NTRK2: variants seen among roughly 807,000 people sequenced by gnomAD.
The protein encoded by NTRK2 is BDNF/NT-3 growth factors receptor.
NTRK2 carries 13 observed loss-of-function variants against 94.5 expected under a neutral mutation model. The observed-to-expected ratio is 0.14, with a 90% CI of 0.09 to 0.22. NTRK2 has a LOEUF of 0.22. Ranked by LOEUF, NTRK2 falls within the 10% of genes least tolerant of loss-of-function variation. NTRK2 has a pLI of 1.00. For synonymous variants in NTRK2, 372 were observed against 407.4 expected (o/e 0.91, Z 1.05); for missense variants, 639 against 1,071.2 (o/e 0.60, Z 5.63).
chr9:85,021,671 G>A lies in NTRK2; in HGVS notation c.*234G>A, dbSNP rs1832787290. On this transcript the variant is annotated 3_prime_UTR_variant, in exon 19 of 19. Coordinates refer to ENST00000277120, the MANE Select transcript of NTRK2 (RefSeq NM_006180.6). Reference sequence around the variant, plus strand: ...TTCTCTCTTTCCATCTCCCTTGGTTGTTCCTTTTTCTTTTTTTAAATTTTC... The same window carrying A: ...TTCTCTCTTTCCATCTCCCTTGGTTATTCCTTTTTCTTTTTTTAAATTTTC... 1 of 542,602 alleles carries A rather than the reference G, an allele frequency of 1.8e-6. No individual in the cohort carries two copies. Among genetic ancestry groups the A allele is most frequent in the East Asian group, 3.1e-5 (1 of 31,996 alleles). The allele number at this position is 542,602 out of a possible 1,614,324, so 33.6% of individuals were successfully genotyped here.
rs946068484 is a variant in NTRK2 at position 84,669,747 on chromosome 9, AGGC to A, written c.-501_-499del. On this transcript the variant is annotated 5_prime_UTR_variant, in exon 1 of 19. Transcript: ENST00000277120. This position sits in a 1 kb window ranked among gnomAD's most constrained non-coding sequence, Gnocchi z 4.1. ...CACGTCACTTCGCCAGCAGTAGCAG[AGGC>A]GGCGGCGGCGGCTCCCGGAATTGGG... 6.5e-6 allele frequency: 1 copy of A among 153,450 alleles called. No individual in the cohort carries two copies. The highest frequency in any genetic ancestry group is 1.5e-5 in the Non-Finnish European group (1 of 68,674). 9.5% of individuals were successfully genotyped at this position (153,450 alleles called of 1,614,324 possible). A position where few individuals can be genotyped will look rare whatever the true frequency, so the allele number is the denominator to read the frequency against.
chr9:84,682,815 A>T (rs2059474630), intron 2 of NTRK2, among the ~76,000 whole-genome samples: 1 of 152,202 alleles, frequency 6.6e-6, no homozygotes, highest in Non-Finnish European at 1.5e-5. Flanking sequence ...TCACTTGACG[A>T]TGTATCTTAA....
chr9:84,814,621 C>T lies in NTRK2; in HGVS notation c.1397-46419C>T, dbSNP rs202169938. The T allele has an allele frequency of 1.4e-4, 149 of 1,065,552 alleles. 1 individual carries two copies. Among genetic ancestry groups the T allele is most frequent in the Middle Eastern group, 4.1e-4 (1 of 2,422 alleles). The allele number at this position is 1,065,552 out of a possible 1,614,324, so 66.0% of individuals were successfully genotyped here. On this transcript the variant is annotated intron_variant, in intron 12 of 18. Transcript: ENST00000277120. Reference sequence around the variant, plus strand: ...TCTTCCTTTGCATGATTTACACCTCCGCCTGTTTTGGTGCTAGCTGTCTAG... The same window carrying T: ...TCTTCCTTTGCATGATTTACACCTCTGCCTGTTTTGGTGCTAGCTGTCTAG...
chr9:84,782,348 AG>A (rs887877363), intron 12 of NTRK2, among the ~76,000 whole-genome samples: 4 of 152,190 alleles, frequency 2.6e-5, no homozygotes, highest in Non-Finnish European at 5.9e-5. Flanking sequence ...AAAAGGGAAA[AG>A]CAAAAGTGAA....
intron 12 of NTRK2, among the ~76,000 whole-genome samples, chr9:84,850,691 G>T (rs553633861): frequency 7.2e-4 from 109 of 152,242 alleles, no homozygotes; most frequent in African/African-American, 2.6e-3. Context: ...AGGAAATAAC[G>T]AATCTAAGAC....
At chr9:84,914,083 A>G (rs7031536) in intron 14 of NTRK2, among the ~76,000 whole-genome samples, 152,178 of 152,184 alleles carry the variant, frequency 1, 76,086 homozygotes, top group Middle Eastern at 1. Context: ...TAGTTGAACC[A>G]TTTTGCTGAG....
At chr9:84,909,181 T>C (rs1363078231) in intron 14 of NTRK2, among the ~76,000 whole-genome samples, 1 of 152,144 alleles carries the variant, frequency 6.6e-6, no homozygotes, top group East Asian at 1.9e-4. Context: ...GGATGTAAAC[T>C]TTTGGATTTT....
chr9:84,670,833 G>A lies in NTRK2; in HGVS notation c.85G>A (p.Ala29Thr), dbSNP rs1440777069. The change falls in exon 2 of 19, where the codon GCT becomes ACT. Residue 29 changes from alanine to threonine, a missense_variant. This residue lies in a region of NTRK2 where 206 missense variants were observed against 251.5 expected (regional missense o/e 0.82). Transcript: ENST00000277120. ...CWLVVGFWRA[A>T]FACPTSCKCS... ...GCTGGTTGTGGGCTTCTGGAGGGCC[G>A]CTTTCGCCTGTCCCACGTCCTGCAA... 4.3e-6 allele frequency: 7 copies of A among 1,614,046 alleles called. No individual in the cohort carries two copies. The East Asian group carries it at 1.1e-4, about 26-fold the overall frequency.
At chr9:84,670,103 C>T (rs1035101263) in intron 1 of NTRK2, among the ~76,000 whole-genome samples, 1 of 152,032 alleles carries the variant, frequency 6.6e-6, no homozygotes, top group Admixed American at 6.5e-5. Context: ...GTCCTTCGCC[C>T]GGCCTGTACC....
rs911638563 is a variant in NTRK2, at chr9:84,752,229, T to C, written c.1396+144T>C. Reference sequence around the variant, plus strand: ...AAAAATAGCAACAAGGCTTTGATACTACAAATCAAGACGGAGCAAAATAAT... The same window carrying C: ...AAAAATAGCAACAAGGCTTTGATACCACAAATCAAGACGGAGCAAAATAAT... On this transcript the variant is annotated intron_variant, in intron 12 of 18. Transcript: ENST00000277120. 1.4e-5 allele frequency: 10 copies of C among 725,680 alleles called. No homozygotes were observed. The African/African-American group carries it at 1.7e-4, about 13-fold the overall frequency. 45.0% of individuals were successfully genotyped at this position (725,680 alleles called of 1,614,324 possible).
At chr9:84,800,308 T>C (rs2070259177) in intron 12 of NTRK2, among the ~76,000 whole-genome samples, 1 of 152,140 alleles carries the variant, frequency 6.6e-6, no homozygotes, top group South Asian at 2.1e-4. Flanking sequence ...GTTCAAGTGA[T>C]TCTTCCGGCC....
intron 12 of NTRK2, among the ~76,000 whole-genome samples, chr9:84,787,036 A>G (rs1588596309): frequency 6.6e-6 from 1 of 152,218 alleles, no homozygotes; most frequent in Admixed American, 6.5e-5. Context: ...GGTGGCTCAC[A>G]CCTATAATCC....
intron 2 of NTRK2, among the ~76,000 whole-genome samples, chr9:84,679,314 C>G (rs1461629944): frequency 6.6e-6 from 1 of 152,198 alleles, no homozygotes; most frequent in Non-Finnish European, 1.5e-5. Flanking sequence ...GTTCCCAAAT[C>G]ACAGACATAT....
At chr9:84,705,697 A>T (rs1311560745) in intron 4 of NTRK2, among the ~76,000 whole-genome samples, 1 of 150,864 alleles carries the variant, frequency 6.6e-6, no homozygotes, top group Non-Finnish European at 1.5e-5. Context: ...GGGACTTCTG[A>T]TGAAGATGAA....
At chr9:84,677,830 TCTC>T (rs2059154560) in intron 2 of NTRK2, among the ~76,000 whole-genome samples, 2 of 152,160 alleles carry the variant, frequency 1.3e-5, no homozygotes, top group African/African-American at 4.8e-5. Flanking sequence ...CCTATCCTCT[TCTC>T]CTGTTCAGCT....
At chr9:84,815,446 T>C (rs2072294915) in intron 12 of NTRK2, 1 of 1,045,448 alleles carries the variant, frequency 9.6e-7, no homozygotes, top group African/African-American at 1.7e-5. Context: ...CGCAAATCCT[T>C]GAGTTTCACG....
chr9:84,864,736 CT>C (rs71369154), intron 13 of NTRK2, among the ~76,000 whole-genome samples: 12,224 of 104,090 alleles, frequency 0.12, 206 homozygotes, highest in Admixed American at 0.16. Context: ...TCTTAATTTT[CT>C]TTTTTTTTTT....
chr9:84,967,757 G>A (rs970423525), intron 17 of NTRK2, among the ~76,000 whole-genome samples: 4 of 152,240 alleles, frequency 2.6e-5, no homozygotes, highest in Non-Finnish European at 2.9e-5. Flanking sequence ...CTCATGCCTC[G>A]CCTTTGTGTG....
At position 85,025,172 on chromosome 9, in the gene NTRK2, A is replaced by G. The variant is rs1437307412; in HGVS notation, c.*3735A>G. The G allele has an allele frequency of 8.6e-6, 2 of 233,116 alleles. No individual in the cohort carries two copies. Among genetic ancestry groups the G allele is most frequent in the Non-Finnish European group, 1.7e-5 (2 of 117,990 alleles). 14.4% of individuals were successfully genotyped at this position (233,116 alleles called of 1,614,324 possible). ...TGCATGGGTGGAAGACATATTTAAGATAATGTGCTTCCCAAAACAACTGAA... is the reference window on the plus strand; with the variant it reads ...TGCATGGGTGGAAGACATATTTAAGGTAATGTGCTTCCCAAAACAACTGAA... On this transcript the variant is annotated 3_prime_UTR_variant, in exon 19 of 19. Transcript: ENST00000277120.
Sources: allele counts gnomAD v4.1 joint callset (sites outside exome capture counted in the v4.1 genomes callset), GRCh38; gene constraint gnomAD v4.1.1; regional missense constraint gnomAD v4.1.1; non-coding constraint Gnocchi (gnomAD v3.1); transcripts MANE v1.5; gene names NCBI Gene and HGNC (gene_info 2026-07-23, HGNC 2026-07-21).